The following IFT140 variants were observed in gnomAD, a reference collection of about 807,000 sequenced individuals.
The protein encoded by IFT140 is intraflagellar transport 140, also known as intraflagellar transport protein 140 homolog.
IFT140 carries 133 observed loss-of-function variants against 164.6 expected under a neutral mutation model. The ratio of observed to expected loss-of-function variants is 0.81; its 90% CI spans 0.70 to 0.93. IFT140 has a LOEUF of 0.93. Ranked by LOEUF, IFT140 falls within the 40% of genes least tolerant of loss-of-function variation. The pLI, the probability that IFT140 is intolerant of heterozygous loss-of-function variation, is 0.00. For synonymous variants in IFT140, 860 were observed against 817.3 expected, an observed-to-expected ratio of 1.05 and a Z score of -0.89; for missense variants, 2,045 against 1,972.3, an observed-to-expected ratio of 1.04 and a Z score of -0.70.
intron 30 of IFT140, among the ~76,000 whole-genome samples, chr16:1,517,314 C>G (rs530432089): frequency 4.7e-5 from 7 of 148,824 alleles, no homozygotes; most frequent in Admixed American, 3.4e-4. Context: ...CGCGCCACTG[C>G]GCTCCAGCCT....
intron 6 of IFT140, among the ~76,000 whole-genome samples, chr16:1,591,509 G>A (rs1234008892): frequency 1.3e-5 from 2 of 152,148 alleles, no homozygotes; most frequent in Non-Finnish European, 2.9e-5. Context: ...CCTTTCTCCC[G>A]AGACCCGGCC....
chr16:1,535,720 GA>G (rs2030995657), intron 19 of IFT140, among the ~76,000 whole-genome samples: 1 of 152,216 alleles, frequency 6.6e-6, no homozygotes, highest in African/African-American at 2.4e-5. Flanking sequence ...AAGGTCCCAC[GA>G]GGGAATTCAA....
In IFT140 at chr16:1,553,332, G is replaced by C; in HGVS notation, c.2399+4603C>G. 1 of 985,250 alleles carries C rather than the reference G, an allele frequency of 1.0e-6. No individual in the cohort carries two copies. Among genetic ancestry groups the C allele is most frequent in the Non-Finnish European group, 1.2e-6 (1 of 829,868 alleles). The allele number at this position is 985,250 out of a possible 1,614,324, so 61.0% of individuals were successfully genotyped here. A position where few individuals can be genotyped will look rare whatever the true frequency, so the allele number is the denominator to read the frequency against. Reference sequence around the variant, plus strand: ...TCTGTCTCTGTGTCTCTGTCCCTGTGTCTCTTTTTCTCCCATCCTCTCTCG... The same window carrying C: ...TCTGTCTCTGTGTCTCTGTCCCTGTCTCTCTTTTTCTCCCATCCTCTCTCG... On this transcript the variant is annotated intron_variant, in intron 19 of 30. Coordinates refer to ENST00000426508, the MANE Select transcript of IFT140 (RefSeq NM_014714.4). This position sits in a 1 kb window ranked among gnomAD's most constrained non-coding sequence, Gnocchi z 4.4.
At chr16:1,582,720 A>T (rs1022554109) in intron 12 of IFT140, among the ~76,000 whole-genome samples, 4 of 152,236 alleles carry the variant, frequency 2.6e-5, no homozygotes, top group Admixed American at 6.5e-5. Context: ...CCTGGCCAAC[A>T]TGTTGAAACC....
chr16:1,611,419 G>T (rs1171531115), intron 1 of IFT140, among the ~76,000 whole-genome samples: 1 of 149,594 alleles, frequency 6.7e-6, no homozygotes, highest in Non-Finnish European at 1.5e-5. Flanking sequence ...AATCGCCTGA[G>T]CCCCGGGAGG....
chr16:1,524,506 A>G, intron 24 of IFT140, 46 bp downstream of exon 24: 1 of 1,603,842 alleles, frequency 6.2e-7, no homozygotes, highest in South Asian at 1.1e-5. Flanking sequence ...AGCTCTCCTC[A>G]GGGGACCTCG....
intron 30 of IFT140, among the ~76,000 whole-genome samples, chr16:1,516,177 AAC>A: frequency 8.7e-6 from 1 of 115,166 alleles, no homozygotes; most frequent in African/African-American, 3.5e-5. Context: ...AAAAAAAAAA[AAC>A]ACCAGAAATG....
rs1245726672 is a variant in IFT140 at position 1,592,447 on chromosome 16, A to C, written c.491+20T>G. On this transcript the variant is annotated intron_variant, in intron 5 of 30. Transcript: ENST00000426508. ...CGATGTAAACACACACACAGGTCAC[A>C]GGGCAAGCCCCACACTTACTCGCCA... 1 of 1,613,522 alleles carries C rather than the reference A, an allele frequency of 6.2e-7. No individual in the cohort carries two copies. Among genetic ancestry groups the C allele is most frequent in the Non-Finnish European group, 8.5e-7 (1 of 1,179,626 alleles).
intron 19 of IFT140, among the ~76,000 whole-genome samples, chr16:1,556,529 C>G (rs1446483576): frequency 6.6e-6 from 1 of 152,262 alleles, no homozygotes; most frequent in East Asian, 1.9e-4. Context: ...TTGGCTGCTT[C>G]TGGCCTTCTA....
At chr16:1,583,181 C>T (rs1455435439) in intron 12 of IFT140, 133 bp downstream of exon 12, 4 of 789,478 alleles carry the variant, frequency 5.1e-6, no homozygotes, top group African/African-American at 1.7e-5. Context: ...GCTCTGGAAG[C>T]GCAGGCAGTA....
chr16:1,581,715 AGAG>A (rs2034566481), intron 12 of IFT140, among the ~76,000 whole-genome samples: 1 of 132,912 alleles, frequency 7.5e-6, no homozygotes, highest in South Asian at 2.6e-4. Flanking sequence ...GGGAGTCTAC[AGAG>A]GAGAGGGGAG....
chr16:1,583,421 G>A lies in IFT140; in HGVS notation c.1360-35C>T, dbSNP rs181507813. The A allele has an allele frequency of 1.4e-4, 221 of 1,598,066 alleles. No homozygotes were observed. The African/African-American group carries it at 2.0e-3, about 15-fold the overall frequency. On this transcript the variant is annotated intron_variant, in intron 11 of 30. Transcript: ENST00000426508. ...ACCACGGACATTCGAGGCAAAGGGC[G>A]GGAAAAGTGAGGTGCAACTGTACAC...
intron 30 of IFT140, 155 bp downstream of exon 30, chr16:1,518,061 C>T (rs987945308): frequency 1.3e-5 from 9 of 677,752 alleles, no homozygotes; most frequent in Admixed American, 3.0e-5. Context: ...TGCTCTTGAA[C>T]TCCTGGGCTC....
intron 2 of IFT140, among the ~76,000 whole-genome samples, chr16:1,608,659 G>A (rs1047352358): frequency 4.3e-4 from 61 of 142,146 alleles, no homozygotes; most frequent in African/African-American, 1.5e-3. Context: ...AAAGAAACCC[G>A]AACAACAAAC....
intron 13 of IFT140, among the ~76,000 whole-genome samples, chr16:1,574,333 T>G (rs755253427): frequency 6.6e-6 from 1 of 151,918 alleles, no homozygotes; most frequent in Non-Finnish European, 1.5e-5. Flanking sequence ...GGCTGGAGTG[T>G]AGTTGTACAA....
intron 3 of IFT140, among the ~76,000 whole-genome samples, chr16:1,606,495 T>C (rs2036067681): frequency 6.6e-6 from 1 of 152,206 alleles, no homozygotes; most frequent in South Asian, 2.1e-4. Flanking sequence ...AGTTTTGCTT[T>C]TGTTGCCCAG....
At chr16:1,573,430 G>A (rs908291099) in intron 13 of IFT140, among the ~76,000 whole-genome samples, 2 of 151,652 alleles carry the variant, frequency 1.3e-5, no homozygotes, top group East Asian at 1.9e-4. Flanking sequence ...AACTCCCAAA[G>A]TACTGTCTTC....
chr16:1,586,035 T>C, intron 10 of IFT140, 95 bp downstream of exon 10: 1 of 1,471,150 alleles, frequency 6.8e-7, no homozygotes, highest in Non-Finnish European at 9.4e-7. Context: ...CCTCCCAAAG[T>C]GCTGGGATTA....
At chr16:1,542,036 G>C (rs776217442) in intron 19 of IFT140, 1 of 1,610,812 alleles carries the variant, frequency 6.2e-7, no homozygotes, top group Non-Finnish European at 8.5e-7. Context: ...CCGACGCCCC[G>C]TGCTGGGAGG....
Sources: gnomAD v4.1 joint callset for allele counts (sites outside exome capture counted in the v4.1 genomes callset) on GRCh38, gnomAD v4.1.1 for gene constraint, Gnocchi (gnomAD v3.1) non-coding constraint, MANE v1.5 for transcripts, NCBI Gene and HGNC (gene_info 2026-07-23, HGNC 2026-07-21) for gene names.